PIK3C3: variants seen among roughly 807,000 people sequenced by gnomAD.
PIK3C3 encodes the protein phosphatidylinositol 3-kinase catalytic subunit type 3, also known as PI3-kinase type 3.
A neutral mutation model predicts 126.1 loss-of-function variants in PIK3C3; 95 were observed. The ratio of observed to expected loss-of-function variants is 0.75; its 90% CI spans 0.64 to 0.89. The LOEUF (loss-of-function observed/expected upper bound fraction) is 0.89, where lower values mean the gene tolerates loss of function less well. Ranked by LOEUF, PIK3C3 falls within the 40% of genes least tolerant of loss-of-function variation. The pLI is 0.00. For missense variants in PIK3C3, 829 were observed against 1,063.2 expected (o/e 0.78, Z 3.06); for synonymous variants, 374 against 360.0 (o/e 1.04, Z -0.44).
At chr18:41,972,391 A>G (rs1055006751) in intron 4 of PIK3C3, among the ~76,000 whole-genome samples, 2 of 152,042 alleles carry the variant, frequency 1.3e-5, no homozygotes, top group African/African-American at 4.8e-5. Flanking sequence ...TACTTTTTCA[A>G]GAGATAGTTA....
intron 17 of PIK3C3, among the ~76,000 whole-genome samples, chr18:42,038,446 A>G (rs909223735): frequency 2.6e-5 from 4 of 151,992 alleles, no homozygotes; most frequent in Admixed American, 6.6e-5. Context: ...GGTTCAAGCA[A>G]TTCTCCTGCC....
At chr18:41,998,808 A>AT (rs1398668711) in intron 9 of PIK3C3, among the ~76,000 whole-genome samples, 2 of 152,148 alleles carry the variant, frequency 1.3e-5, no homozygotes, top group Non-Finnish European at 2.9e-5. Context: ...ACACAGCCAC[A>AT]TTTGTAACCT....
intron 24 of PIK3C3, among the ~76,000 whole-genome samples, chr18:42,074,385 T>A (rs996613680): frequency 3.9e-5 from 6 of 152,128 alleles, no homozygotes; most frequent in Admixed American, 2.6e-4. Flanking sequence ...TGTAGTATAA[T>A]TTTGGGTCTT....
intron 4 of PIK3C3, among the ~76,000 whole-genome samples, chr18:41,979,396 C>T (rs1302221887): frequency 6.6e-6 from 1 of 152,114 alleles, no homozygotes; most frequent in Non-Finnish European, 1.5e-5. Flanking sequence ...AATATACTTG[C>T]ATGTTATCTC....
chr18:42,023,253 A>G (rs1474174130), intron 13 of PIK3C3, among the ~76,000 whole-genome samples: 1 of 152,148 alleles, frequency 6.6e-6, no homozygotes, highest in Non-Finnish European at 1.5e-5. Context: ...TTTGTGTTTG[A>G]TTGAAGACTA....
chr18:42,049,677 A>G, intron 21 of PIK3C3, 72 bp downstream of exon 21: 1 of 1,242,234 alleles, frequency 8.1e-7, no homozygotes, highest in Non-Finnish European at 1.2e-6. Context: ...TCTATGTACT[A>G]ACAAGATAAG....
chr18:41,982,070 A>C (rs939479668), intron 4 of PIK3C3, among the ~76,000 whole-genome samples: 1 of 152,100 alleles, frequency 6.6e-6, no homozygotes, highest in African/African-American at 2.4e-5. Context: ...TAGTAATATA[A>C]TTCTAGTGCA....
At chr18:42,004,244 C>CTT in intron 9 of PIK3C3, 112 bp from the exon 10 acceptor site, 2 of 722,784 alleles carry the variant, frequency 2.8e-6, no homozygotes, top group South Asian at 3.4e-5. Context: ...CACAAGGAGT[C>CTT]TATCACTGAC....
In PIK3C3 at chr18:41,955,505, C is replaced by A. The variant is rs1979724702; in HGVS notation, c.68+146C>A. 14 of 642,490 alleles carry A rather than the reference C, an allele frequency of 2.2e-5. No homozygotes were observed. The South Asian group carries it at 2.3e-4, about 10-fold the overall frequency. 39.8% of individuals were successfully genotyped at this position (642,490 alleles called of 1,614,324 possible). A position where few individuals can be genotyped will look rare whatever the true frequency, so the allele number is the denominator to read the frequency against. ...GCTGTGAGGGCTGTAGCCAGGGAGG[C>A]GCGAGAGAGTGGATCGTGGAGAGGG... On this transcript the variant is annotated intron_variant, in intron 1 of 24. Transcript: ENST00000262039.
chr18:41,976,132 C>T (rs551303907), intron 4 of PIK3C3, among the ~76,000 whole-genome samples: 597 of 152,194 alleles, frequency 3.9e-3, no homozygotes, highest in Non-Finnish European at 6.0e-3. Context: ...ATTAAGATAG[C>T]AAGGAATTTT....
Position 41,987,906 on chromosome 18 carries a change from A to G in PIK3C3, c.618+8A>G, listed in dbSNP as rs1304804517. 1.4e-6 allele frequency: 2 copies of G among 1,460,380 alleles called. No homozygotes were observed. Among genetic ancestry groups the G allele is most frequent in the African/African-American group, 2.8e-5 (2 of 70,636 alleles). 90.5% of individuals were successfully genotyped at this position (1,460,380 alleles called of 1,614,324 possible). ...ATAGAAATGATAAATGAGGTGGGTT[A>G]TATCACTCTTTTATTTTAAAATATT... On this transcript the variant is annotated splice_region_variant and intron_variant, in intron 5 of 24. Coordinates refer to ENST00000262039, the MANE Select transcript of PIK3C3 (RefSeq NM_002647.4).
intron 13 of PIK3C3, among the ~76,000 whole-genome samples, chr18:42,022,347 C>G (rs971500726): frequency 6.6e-6 from 1 of 152,118 alleles, no homozygotes; most frequent in Non-Finnish European, 1.5e-5. Context: ...CAAGTGTTCT[C>G]ATTGTTCAAT....
rs181319837 is a variant in PIK3C3, at chr18:42,056,074, T to G, written c.2264-1809T>G. Among the ~76,000 whole-genome samples the G allele has an allele frequency of 3.5e-3, 528 of 152,214 alleles. 2 individuals are homozygous for G. The highest frequency in any genetic ancestry group is 0.012 in the African/African-American group (502 of 41,560). On this transcript the variant is annotated intron_variant, in intron 21 of 24. Coordinates refer to ENST00000262039, the MANE Select transcript of PIK3C3 (RefSeq NM_002647.4). ...AATAAGATCATACTCTCTGAACTTCTTAAACATTTTTTTTAAATTTCATTA... is the reference window on the plus strand; with the variant it reads ...AATAAGATCATACTCTCTGAACTTCGTAAACATTTTTTTTAAATTTCATTA...
At chr18:42,067,601 T>G (rs979619265) in intron 24 of PIK3C3, 88 bp downstream of exon 24, 1 of 1,393,350 alleles carries the variant, frequency 7.2e-7, no homozygotes, top group African/African-American at 1.4e-5. Context: ...CTCCTGCCAG[T>G]TGACATCTTT....
At chr18:41,985,455 C>G (rs1444495257) in intron 4 of PIK3C3, among the ~76,000 whole-genome samples, 1 of 152,032 alleles carries the variant, frequency 6.6e-6, no homozygotes, top group East Asian at 1.9e-4. Flanking sequence ...AAACAATTTC[C>G]ATAGCATAAA....
chr18:42,043,380 C>T (rs1448047275), intron 19 of PIK3C3, among the ~76,000 whole-genome samples: 1 of 152,094 alleles, frequency 6.6e-6, no homozygotes, highest in East Asian at 1.9e-4. Context: ...TGTGAGCCAC[C>T]ACATCTGGCC....
At chr18:41,983,436 G>A (rs374441834) in intron 4 of PIK3C3, among the ~76,000 whole-genome samples, 144 of 151,998 alleles carry the variant, frequency 9.5e-4, no homozygotes, top group African/African-American at 3.4e-3. Flanking sequence ...TCTTTGGGCA[G>A]AATATCAGAG....
chr18:41,993,357 A>AT lies in PIK3C3; in HGVS notation c.786+23dup. 1.3e-6 allele frequency: 2 copies of AT among 1,539,288 alleles called. No individual in the cohort carries two copies. Among genetic ancestry groups the AT allele is most frequent in the Non-Finnish European group, 1.8e-6 (2 of 1,117,686 alleles). ...GATGTCTATGGTAAGTTATTGTGCA[A>AT]TTTTTTTATGAAAGTACTTTTCTTC... is the stretch of plus-strand genomic sequence containing the variant. On this transcript the variant is annotated intron_variant, in intron 7 of 24. Coordinates refer to ENST00000262039, the MANE Select transcript of PIK3C3 (RefSeq NM_002647.4).
rs1986382359 is a variant in PIK3C3, at chr18:42,085,598, A to G, written c.*4461A>G. On this transcript the variant is annotated 3_prime_UTR_variant, in exon 25 of 25. Coordinates refer to ENST00000262039, the MANE Select transcript of PIK3C3 (RefSeq NM_002647.4). ...CATAGTGTAACTTTGGGATGAATTTAAAAGAATATTTAAGTCACAGTCAAT... is the reference window on the plus strand; with the variant it reads ...CATAGTGTAACTTTGGGATGAATTTGAAAGAATATTTAAGTCACAGTCAAT... 6.6e-6 allele frequency: 1 copy of G among 152,234 alleles called. No homozygotes were observed. Among genetic ancestry groups the G allele is most frequent in the Non-Finnish European group, 1.5e-5 (1 of 68,050 alleles). The allele number at this position is 152,234 out of a possible 1,614,324, so 9.4% of individuals were successfully genotyped here.
Sources: gnomAD v4.1 joint callset for allele counts (sites outside exome capture counted in the v4.1 genomes callset) on GRCh38, gnomAD v4.1.1 for gene constraint, MANE v1.5 for transcripts, NCBI Gene and HGNC (gene_info 2026-07-23, HGNC 2026-07-21) for gene names.